Variants in LRRC37A2 observed in about 807,000 individuals in gnomAD.
LRRC37A2 encodes the protein leucine rich repeat containing 37 member A2, also known as leucine-rich repeat-containing protein 37A2.
LRRC37A2 carries 9 observed loss-of-function variants against 68.8 expected under a neutral mutation model. The ratio of observed to expected loss-of-function variants is 0.13; its 90% CI spans 0.08 to 0.23. The LOEUF is 0.23. Among genes scored for constraint, LRRC37A2 ranks in the 10% least tolerant of loss-of-function variants. The pLI is 1.00. For missense variants in LRRC37A2, 168 were observed against 950.4 expected (o/e 0.18, Z 10.82); for synonymous variants, 63 against 367.6 (o/e 0.17, Z 9.48).
chr17:46,729,840 G>A, the LRRC37A2 span, among the ~76,000 whole-genome samples: 1 of 152,000 alleles, frequency 6.6e-6, no homozygotes, highest in Non-Finnish European at 1.5e-5. Context: ...TAAATGACTT[G>A]TCTTGGTTTT....
At chr17:46,778,516 A>G in the LRRC37A2 span, among the ~76,000 whole-genome samples, 1 of 152,094 alleles carries the variant, frequency 6.6e-6, no homozygotes, top group Non-Finnish European at 1.5e-5. Context: ...TTCCCCAAAC[A>G]TGCCCGGCCA....
At chr17:46,894,154 A>T in the LRRC37A2 span, among the ~76,000 whole-genome samples, 4 of 152,222 alleles carry the variant, frequency 2.6e-5, no homozygotes, top group Non-Finnish European at 4.4e-5. Flanking sequence ...TTGCGATGGT[A>T]TAACAAATTC....
the LRRC37A2 span, among the ~76,000 whole-genome samples, chr17:46,847,967 A>AGTGTGTGTGT: frequency 0.014 from 2,168 of 149,676 alleles, 15 homozygotes; most frequent in African/African-American, 0.016. Flanking sequence ...TGATTTCCAA[A>AGTGTGTGTGT]GTGTGTGTGT....
At chr17:46,891,717 G>C in the LRRC37A2 span, among the ~76,000 whole-genome samples, 1 of 152,164 alleles carries the variant, frequency 6.6e-6, no homozygotes, top group African/African-American at 2.4e-5. Context: ...CCTTGCATGT[G>C]GCCCAGTCTC....
the LRRC37A2 span, among the ~76,000 whole-genome samples, chr17:46,908,942 G>A: frequency 6.6e-6 from 1 of 152,216 alleles, no homozygotes; most frequent in Non-Finnish European, 1.5e-5. Context: ...GAGGCCCTGG[G>A]CTGTCAGGCT....
At chr17:46,704,646 T>A in the LRRC37A2 span, 1 of 1,266,196 alleles carries the variant, frequency 7.9e-7, no homozygotes, top group Admixed American at 3.1e-5. Context: ...CAGATTTTTT[T>A]ATGTGTGAAA....
the LRRC37A2 span, among the ~76,000 whole-genome samples, chr17:46,816,799 C>T: frequency 6.6e-6 from 1 of 152,174 alleles, no homozygotes; most frequent in Non-Finnish European, 1.5e-5. Flanking sequence ...TCCTTCCTAC[C>T]CTCCCCCAAC....
At chr17:46,766,133 G>A in the LRRC37A2 span, among the ~76,000 whole-genome samples, 1 of 152,336 alleles carries the variant, frequency 6.6e-6, no homozygotes, top group East Asian at 1.9e-4. Context: ...TTCTGGCCGG[G>A]CGCGGTGGCT....
the LRRC37A2 span, among the ~76,000 whole-genome samples, chr17:46,947,611 G>C: frequency 6.6e-6 from 1 of 152,194 alleles, no homozygotes; most frequent in Admixed American, 6.5e-5. Context: ...GGGGATGGCA[G>C]ACATGGCTTA....
chr17:46,785,770 G>A, the LRRC37A2 span, among the ~76,000 whole-genome samples: 1 of 152,128 alleles, frequency 6.6e-6, no homozygotes, highest in African/African-American at 2.4e-5. Context: ...CTATACCTCA[G>A]TCAGAGGGAA....
chr17:47,017,740 A>T, the LRRC37A2 span: 6 of 1,610,868 alleles, frequency 3.7e-6, no homozygotes, highest in Non-Finnish European at 4.2e-6. Flanking sequence ...TTGCAGAATG[A>T]ATATTCCAGT....
At chr17:47,011,566 A>G in the LRRC37A2 span, among the ~76,000 whole-genome samples, 1 of 148,626 alleles carries the variant, frequency 6.7e-6, no homozygotes, top group Non-Finnish European at 1.5e-5. Flanking sequence ...AAAAAAAAAA[A>G]GTTGTTTTTT....
chr17:46,974,247 C>T, the LRRC37A2 span, among the ~76,000 whole-genome samples: 1 of 152,226 alleles, frequency 6.6e-6, no homozygotes, highest in Non-Finnish European at 1.5e-5. Context: ...CTGGCCAGGG[C>T]CAGACGCTAG....
chr17:46,788,530 C>T, the LRRC37A2 span, among the ~76,000 whole-genome samples: 1 of 152,318 alleles, frequency 6.6e-6, no homozygotes, highest in African/African-American at 2.4e-5. Flanking sequence ...CCTCAAGGTC[C>T]CATGTTTAAA....
the LRRC37A2 span, among the ~76,000 whole-genome samples, chr17:46,726,304 G>A: frequency 2.6e-5 from 4 of 152,194 alleles, no homozygotes; most frequent in Non-Finnish European, 5.9e-5. Context: ...TGTGTCAGTT[G>A]ATTAATGATC....
chr17:46,472,137 T>C, the LRRC37A2 span, among the ~76,000 whole-genome samples: 2 of 73,274 alleles, frequency 2.7e-5, 1 homozygote, highest in South Asian at 1.1e-3. Flanking sequence ...AGTATTCATC[T>C]ATATTGTCAA....
chr17:46,987,586 A>G, the LRRC37A2 span, among the ~76,000 whole-genome samples: 1 of 152,200 alleles, frequency 6.6e-6, no homozygotes, highest in Non-Finnish European at 1.5e-5. Flanking sequence ...GGCTACTGCA[A>G]TAGACAAGGC....
the LRRC37A2 span, among the ~76,000 whole-genome samples, chr17:46,753,561 A>G: frequency 6.6e-6 from 1 of 152,320 alleles, no homozygotes; most frequent in East Asian, 1.9e-4. Flanking sequence ...TGAAAAAAAG[A>G]TAAATCTGTC....
chr17:46,832,642 A>T, the LRRC37A2 span: 1 of 152,286 alleles, frequency 6.6e-6, no homozygotes, highest in Non-Finnish European at 1.5e-5. Flanking sequence ...GAGCCCCTTG[A>T]GCCCCCAGCC....
Sources: allele counts gnomAD v4.1 joint callset (sites outside exome capture counted in the v4.1 genomes callset), GRCh38; gene constraint gnomAD v4.1.1; transcripts MANE v1.5; gene names NCBI Gene and HGNC (gene_info 2026-07-23, HGNC 2026-07-21).